The following PI4K2B variants were observed in gnomAD, a reference collection of about 807,000 sequenced individuals.
PI4K2B encodes the protein phosphatidylinositol 4-kinase type 2 beta.
PI4K2B carries 46 observed loss-of-function variants against 56.6 expected under a neutral mutation model. The ratio of observed to expected loss-of-function variants is 0.81; its 90% CI spans 0.64 to 1.04. The LOEUF (loss-of-function observed/expected upper bound fraction) is 1.04, where lower values mean the gene tolerates loss of function less well. Among genes scored for constraint, PI4K2B ranks in the 50% least tolerant of loss-of-function variants. PI4K2B has a pLI of 0.00. For synonymous variants in PI4K2B, 211 were observed against 223.8 expected (o/e 0.94, Z 0.51); for missense variants, 556 against 607.7 (o/e 0.91, Z 0.89).
rs779577967 is a variant in PI4K2B at position 25,260,625 on chromosome 4, TATATATATATATATATAC to T, written c.978+36_978+53del. On this transcript the variant is annotated intron_variant, in intron 6 of 9. Coordinates refer to ENST00000264864, the MANE Select transcript of PI4K2B (RefSeq NM_018323.4). ...ATTTACAATTTTATATATATATATA[TATATATATATATATATAC>T]ACACACACACACACACACACATACA... 2.9e-3 allele frequency: 787 copies of T among 268,924 alleles called. 2 individuals carry two copies. The highest frequency in any genetic ancestry group is 5.1e-3 in the South Asian group (44 of 8,668). 16.7% of individuals were successfully genotyped at this position (268,924 alleles called of 1,614,324 possible). A position where few individuals can be genotyped will look rare whatever the true frequency, so the allele number is the denominator to read the frequency against.
rs1177362136 is a variant in PI4K2B at position 25,278,084 on chromosome 4, T to TA, written c.*898dup. On this transcript the variant is annotated 3_prime_UTR_variant, in exon 10 of 10. Coordinates refer to ENST00000264864, the MANE Select transcript of PI4K2B (RefSeq NM_018323.4). Reference sequence around the variant, plus strand: ...GATTGCATTTTGGGGTCCTAGGTCATACGTTCTTCAAAATTATTATGATTG... The same window carrying TA: ...GATTGCATTTTGGGGTCCTAGGTCATAACGTTCTTCAAAATTATTATGATTG... 1 of 152,200 alleles carries TA rather than the reference T, an allele frequency of 6.6e-6. No individual in the cohort carries two copies. The highest frequency in any genetic ancestry group is 1.5e-5 in the Non-Finnish European group (1 of 68,018). The allele number at this position is 152,200 out of a possible 1,614,324, so 9.4% of individuals were successfully genotyped here.
chr4:25,239,565 G>A (rs1176364950), intron 1 of PI4K2B, among the ~76,000 whole-genome samples: 3 of 60,300 alleles, frequency 5.0e-5, no homozygotes, highest in Admixed American at 1.9e-4. Context: ...CGGAACTCGC[G>A]CTGGCCCGCA....
chr4:25,254,056 G>A (rs916548346), intron 2 of PI4K2B, among the ~76,000 whole-genome samples: 2 of 152,190 alleles, frequency 1.3e-5, no homozygotes, highest in East Asian at 1.9e-4. Context: ...CACAGCGCCT[G>A]GCCAAGAGTT....
At chr4:25,273,194 G>C (rs1037743894) in intron 9 of PI4K2B, among the ~76,000 whole-genome samples, 1 of 149,118 alleles carries the variant, frequency 6.7e-6, no homozygotes, top group Non-Finnish European at 1.5e-5. Context: ...ACAATGTTTT[G>C]AATTTTATAT....
chr4:25,260,310 A>G (rs1171898207), intron 5 of PI4K2B, among the ~76,000 whole-genome samples: 4 of 151,816 alleles, frequency 2.6e-5, no homozygotes, highest in Admixed American at 6.6e-5. Context: ...ACTTAAAACA[A>G]TGTCGGCCCA....
At chr4:25,239,273 G>A (rs570613847) in intron 1 of PI4K2B, among the ~76,000 whole-genome samples, 3 of 152,244 alleles carry the variant, frequency 2.0e-5, no homozygotes, top group East Asian at 1.9e-4. Context: ...TCGATGGGAC[G>A]GGGCACCATG....
chr4:25,253,405 A>G (rs1716137229), intron 2 of PI4K2B, among the ~76,000 whole-genome samples: 1 of 152,230 alleles, frequency 6.6e-6, no homozygotes, highest in South Asian at 2.1e-4. Flanking sequence ...CTCCAGGGGA[A>G]TAACGTTTAT....
intron 1 of PI4K2B, among the ~76,000 whole-genome samples, chr4:25,240,895 C>T (rs1208519274): frequency 6.6e-6 from 1 of 152,080 alleles, no homozygotes; most frequent in African/African-American, 2.4e-5. Flanking sequence ...CTCTCTGTTT[C>T]TGTCTCTCTG....
intron 1 of PI4K2B, among the ~76,000 whole-genome samples, chr4:25,247,211 C>T (rs560363199): frequency 6.6e-6 from 1 of 152,214 alleles, no homozygotes; most frequent in Non-Finnish European, 1.5e-5. Context: ...TACTGATAAT[C>T]TGGTTTAGTT....
chr4:25,263,607 T>C, intron 6 of PI4K2B, 143 bp from the exon 7 acceptor site: 1 of 445,608 alleles, frequency 2.2e-6, no homozygotes, highest in South Asian at 5.4e-5. Context: ...CTGTGTGAAT[T>C]TGTACTTTTT....
chr4:25,264,006 A>C (rs769020387), intron 7 of PI4K2B, among the ~76,000 whole-genome samples, 157 bp downstream of exon 7: 1 of 152,196 alleles, frequency 6.6e-6, no homozygotes, highest in Admixed American at 6.5e-5. Context: ...AATGTATACT[A>C]CAGGGTCTTG....
intron 9 of PI4K2B, among the ~76,000 whole-genome samples, chr4:25,273,803 T>G (rs191850006): frequency 6.6e-6 from 1 of 152,236 alleles, no homozygotes; most frequent in Non-Finnish European, 1.5e-5. Context: ...AATTTGTCCA[T>G]GTGTACAGGC....
intron 9 of PI4K2B, among the ~76,000 whole-genome samples, chr4:25,270,575 T>C (rs1276849399): frequency 6.6e-6 from 1 of 152,148 alleles, no homozygotes; most frequent in South Asian, 2.1e-4. Context: ...CTTGAACTCC[T>C]GACCTTGTGA....
Position 25,260,552 on chromosome 4 carries a change from A to C in PI4K2B, c.939A>C (p.Arg313Ser). 1 of 1,440,204 alleles carries C rather than the reference A, an allele frequency of 6.9e-7. No individual in the cohort carries two copies. Among genetic ancestry groups the C allele is most frequent in the Non-Finnish European group, 9.2e-7 (1 of 1,089,198 alleles). The allele number at this position is 1,440,204 out of a possible 1,614,324, so 89.2% of individuals were successfully genotyped here. Residue 313 changes from arginine (R) to serine (S), a missense_variant, in exon 6 of 10, where the codon AGA becomes AGC. By Grantham distance (110) the Arg-to-Ser change is moderately radical (BLOSUM62 -1). Coordinates refer to ENST00000264864, the MANE Select transcript of PI4K2B (RefSeq NM_018323.4). ...TDRGNDNWLVRYEKQKCEKEI... is the reference protein window; with the variant it reads ...TDRGNDNWLVSYEKQKCEKEI... Reference sequence around the variant, plus strand: ...GGGGCAATGATAATTGGTTAGTCAGATACGAAAAGCAGAAATGTGAAAAGG... The same window carrying C: ...GGGGCAATGATAATTGGTTAGTCAGCTACGAAAAGCAGAAATGTGAAAAGG...
chr4:25,248,099 GAGAA>G (rs1174552030), intron 1 of PI4K2B, among the ~76,000 whole-genome samples: 2 of 152,170 alleles, frequency 1.3e-5, no homozygotes, highest in Non-Finnish European at 2.9e-5. Context: ...ATCCTCAAGA[GAGAA>G]AGAGTTTATT....
At chr4:25,249,934 A>T (rs1056095675) in intron 1 of PI4K2B, among the ~76,000 whole-genome samples, 1 of 152,178 alleles carries the variant, frequency 6.6e-6, no homozygotes, top group Non-Finnish European at 1.5e-5. Context: ...GGCAACACTG[A>T]GCACTGAGTG....
chr4:25,278,028 A>T lies in PI4K2B; in HGVS notation c.*841A>T, dbSNP rs1273808002. On this transcript the variant is annotated 3_prime_UTR_variant, in exon 10 of 10. Transcript: ENST00000264864. ...CTTCAATTAGTATTAAACTTCACTAAAAAGTAAACCATACTCCAAATTGTA... is the reference window on the plus strand; with the variant it reads ...CTTCAATTAGTATTAAACTTCACTATAAAGTAAACCATACTCCAAATTGTA... 1 of 152,190 alleles carries T rather than the reference A, an allele frequency of 6.6e-6. No homozygotes were observed. Among genetic ancestry groups the T allele is most frequent in the East Asian group, 1.9e-4 (1 of 5,184 alleles). The allele number at this position is 152,190 out of a possible 1,614,324, so 9.4% of individuals were successfully genotyped here.
chr4:25,234,969 T>TA (rs1262961789), intron 1 of PI4K2B, among the ~76,000 whole-genome samples: 17 of 151,902 alleles, frequency 1.1e-4, no homozygotes, highest in Admixed American at 1.1e-3. Flanking sequence ...CCTGCCCTCT[T>TA]ACAGTTTAGT....
chr4:25,264,411 G>C (rs548505949), intron 7 of PI4K2B, among the ~76,000 whole-genome samples: 2 of 152,022 alleles, frequency 1.3e-5, no homozygotes, highest in Admixed American at 1.3e-4. Context: ...CCCTCTGTGC[G>C]TATTGAGTAT....
Sources: gnomAD v4.1 joint callset for allele counts (sites outside exome capture counted in the v4.1 genomes callset) on GRCh38, gnomAD v4.1.1 for gene constraint, MANE v1.5 for transcripts, NCBI Gene and HGNC (gene_info 2026-07-23, HGNC 2026-07-21) for gene names.